CLPTM1L: variants seen among roughly 807,000 people sequenced by gnomAD.
The protein encoded by CLPTM1L is lipid scramblase CLPTM1L.
In CLPTM1L, 38 loss-of-function variants were observed where a neutral mutation model predicts 70.9. The ratio of observed to expected loss-of-function variants is 0.54; its 90% CI spans 0.41 to 0.70. The LOEUF (loss-of-function observed/expected upper bound fraction) is 0.70. Among genes scored for constraint, CLPTM1L ranks in the 30% least tolerant of loss-of-function variants. The pLI is 0.00. For missense variants in CLPTM1L, 652 were observed against 705.9 expected (o/e 0.92, Z 0.87); for synonymous variants, 339 against 299.9 (o/e 1.13, Z -1.35).
chr5:1,331,570 T>TGTGCAGCCGCTGGAGGCCCTGAGCC (rs1213956685), intron 8 of CLPTM1L: 2 of 401,304 alleles, frequency 5.0e-6, no homozygotes, highest in Non-Finnish European at 8.5e-6. Context: ...GGCCCTGAGC[T>TGTGCAGCCGCTGGAGGCCCTGAGCC]GTGCAGCCGC....
Position 1,318,879 on chromosome 5 carries a change from C to A in CLPTM1L, c.1533-426G>T, listed in dbSNP as rs992411190. Among the ~76,000 whole-genome samples, 4 of 152,206 alleles carry A rather than the reference C, an allele frequency of 2.6e-5. No homozygotes were observed. The highest frequency in any genetic ancestry group is 9.7e-5 in the African/African-American group (4 of 41,448). The stretch of plus-strand genomic sequence containing the variant: ...CACTGCCGCCGCCTTTGATCCTGAG[C>A]GCCCCGGAGGCCTTGCCAACATCAC... On this transcript the variant is annotated intron_variant, in intron 16 of 16. Coordinates refer to ENST00000320895, the MANE Select transcript of CLPTM1L (RefSeq NM_030782.5). The surrounding 1 kb of genome is among the most constrained non-coding windows in gnomAD (Gnocchi z 8.9).
At chr5:1,338,389 G>A (rs139356138) in intron 4 of CLPTM1L, 66 of 277,802 alleles carry the variant, frequency 2.4e-4, no homozygotes, top group African/African-American at 1.4e-3. Flanking sequence ...CCTGGGAGGC[G>A]GAGCTGTGGC....
intron 7 of CLPTM1L, chr5:1,332,150 T>C (rs951750688): frequency 2.3e-5 from 11 of 470,682 alleles, no homozygotes; most frequent in African/African-American, 1.6e-4. Flanking sequence ...CCCCAGGCAA[T>C]TGGAGGCTCT....
chr5:1,339,619 G>A (rs1348906591), intron 3 of CLPTM1L, among the ~76,000 whole-genome samples: 4 of 102,124 alleles, frequency 3.9e-5, no homozygotes, highest in Admixed American at 9.6e-5. Flanking sequence ...CCACACAGAC[G>A]GGCAAACTGT....
intron 12 of CLPTM1L, 104 bp from the exon 13 acceptor site, chr5:1,323,015 C>A: frequency 8.6e-7 from 1 of 1,159,846 alleles, no homozygotes. Context: ...TGAAAATACC[C>A]AGATGCTCTC....
chr5:1,318,530 CGA>C lies in CLPTM1L; in HGVS notation c.1533-79_1533-78del. 3 of 1,225,622 alleles carry C rather than the reference CGA, an allele frequency of 2.4e-6. No homozygotes were observed. Among genetic ancestry groups the C allele is most frequent in the Non-Finnish European group, 3.6e-6 (3 of 841,468 alleles). The allele number at this position is 1,225,622 out of a possible 1,614,324, so 75.9% of individuals were successfully genotyped here. On this transcript the variant is annotated intron_variant, in intron 16 of 16. Coordinates refer to ENST00000320895, the MANE Select transcript of CLPTM1L (RefSeq NM_030782.5). This position sits in a 1 kb window ranked among gnomAD's most constrained non-coding sequence, Gnocchi z 8.9. The stretch of plus-strand genomic sequence containing the variant: ...TTCTAAGAGGAGGACTTGGCATCCT[CGA>C]TTTATTTTCCAGTGAGCTGCCACAG...
At chr5:1,326,818 G>C (rs573601301) in intron 9 of CLPTM1L, among the ~76,000 whole-genome samples, 161 of 127,234 alleles carry the variant, frequency 1.3e-3, no homozygotes, top group Non-Finnish European at 2.1e-3. Context: ...CCCCTACAGG[G>C]ACATTTCATC....
At chr5:1,330,510 A>G in intron 8 of CLPTM1L, 127 bp from the exon 9 acceptor site, 2 of 661,462 alleles carry the variant, frequency 3.0e-6, no homozygotes, top group Non-Finnish European at 5.4e-6. Context: ...GGTACTCCCC[A>G]GTCCACGTCA....
In CLPTM1L at chr5:1,335,043, T is replaced by A. The variant is rs201214061; in HGVS notation, c.796+14A>T. 1.2e-6 allele frequency: 2 copies of A among 1,605,616 alleles called. No homozygotes were observed. Among genetic ancestry groups the A allele is most frequent in the Non-Finnish European group, 1.7e-6 (2 of 1,173,636 alleles). The stretch of plus-strand genomic sequence containing the variant: ...GGCGGCCTCACCCAGGCGCCGGCCG[T>A]GTGCGGCACATACCGAACTGCTGCA... On this transcript the variant is annotated intron_variant, in intron 6 of 16. Transcript: ENST00000320895.
In CLPTM1L at chr5:1,318,302, C is replaced by CA; in HGVS notation, c.*66dup. 1 of 1,305,290 alleles carries CA rather than the reference C, an allele frequency of 7.7e-7. No homozygotes were observed. The highest frequency in any genetic ancestry group is 1.1e-6 in the Non-Finnish European group (1 of 904,456). The allele number at this position is 1,305,290 out of a possible 1,614,324, so 80.9% of individuals were successfully genotyped here. On this transcript the variant is annotated 3_prime_UTR_variant, in exon 17 of 17. Coordinates refer to ENST00000320895, the MANE Select transcript of CLPTM1L (RefSeq NM_030782.5). This position sits in a 1 kb window ranked among gnomAD's most constrained non-coding sequence, Gnocchi z 8.9. ...AAAACGCAATGTCTAGGAATTCCTC[C>CA]AAATGCTTCCAAAAATACTCATTGA... is the stretch of plus-strand genomic sequence containing the variant.
chr5:1,337,829 T>C (rs764693315), intron 5 of CLPTM1L, 75 bp downstream of exon 5: 17 of 1,178,006 alleles, frequency 1.4e-5, no homozygotes, highest in Non-Finnish European at 1.9e-5. Flanking sequence ...TCCATTAGGG[T>C]GCAGGGGCTG....
chr5:1,322,351 C>T (rs1478635274), intron 13 of CLPTM1L, among the ~76,000 whole-genome samples: 3 of 152,200 alleles, frequency 2.0e-5, no homozygotes, highest in Non-Finnish European at 4.4e-5. Context: ...CTGGGGCAGG[C>T]GGGCCTCCCA....
chr5:1,341,868 A>G lies in CLPTM1L; in HGVS notation c.264-8T>C. On this transcript the variant is annotated splice_polypyrimidine_tract_variant and splice_region_variant and intron_variant, in intron 2 of 16. Coordinates refer to ENST00000320895, the MANE Select transcript of CLPTM1L (RefSeq NM_030782.5). ...ACAGAAACATTAACTGTCCTGAAAC[A>G]GAACAATCATTTCCACTACATACAT... The G allele has an allele frequency of 1.2e-6, 2 of 1,604,218 alleles. No individual in the cohort carries two copies. The highest frequency in any genetic ancestry group is 1.7e-6 in the Non-Finnish European group (2 of 1,171,970).
rs1233030366 is a variant in CLPTM1L, at chr5:1,317,900, A to G, written c.*469T>C. 1 of 155,932 alleles carries G rather than the reference A, an allele frequency of 6.4e-6. No individual in the cohort carries two copies. The highest frequency in any genetic ancestry group is 2.4e-5 in the African/African-American group (1 of 41,660). The allele number at this position is 155,932 out of a possible 1,614,324, so 9.7% of individuals were successfully genotyped here. ...CCAGAAAAATTTATTTTAAAATAGA[A>G]ACATACATTAAGCTTTAAAACAACC... On this transcript the variant is annotated 3_prime_UTR_variant, in exon 17 of 17. Transcript: ENST00000320895.
intron 13 of CLPTM1L, 27 bp downstream of exon 13, chr5:1,322,850 C>CTGAA: frequency 6.2e-7 from 1 of 1,610,822 alleles, no homozygotes. Context: ...AACACTAGTA[C>CTGAA]TGAAGCAGGG....
At chr5:1,332,902 G>GA (rs1753199014) in intron 7 of CLPTM1L, among the ~76,000 whole-genome samples, 1 of 152,236 alleles carries the variant, frequency 6.6e-6, no homozygotes, top group Non-Finnish European at 1.5e-5. Flanking sequence ...GAGGATGAGG[G>GA]ACTACTGTAT....
At chr5:1,324,531 G>A (rs1032221282) in intron 11 of CLPTM1L, among the ~76,000 whole-genome samples, 8 of 152,196 alleles carry the variant, frequency 5.3e-5, no homozygotes, top group East Asian at 3.9e-4. Flanking sequence ...CCTACTATAC[G>A]GTGACACAGG....
intron 7 of CLPTM1L, among the ~76,000 whole-genome samples, chr5:1,333,375 T>G (rs34674720): frequency 1.1e-4 from 6 of 54,334 alleles, no homozygotes; most frequent in Admixed American, 6.0e-4. Flanking sequence ...GACTACTGTA[T>G]ACACACCAGA....
At chr5:1,329,386 GA>G (rs1752913939) in intron 9 of CLPTM1L, among the ~76,000 whole-genome samples, 1 of 152,256 alleles carries the variant, frequency 6.6e-6, no homozygotes, top group Non-Finnish European at 1.5e-5. Context: ...TCAAGCACAT[GA>G]AAACACTCTG....
Sources: allele counts gnomAD v4.1 joint callset (sites outside exome capture counted in the v4.1 genomes callset), GRCh38; gene constraint gnomAD v4.1.1; non-coding constraint Gnocchi (gnomAD v3.1); transcripts MANE v1.5; gene names NCBI Gene and HGNC (gene_info 2026-07-23, HGNC 2026-07-21).